Variants in TRAF3IP2 observed in about 807,000 individuals in gnomAD.
TRAF3IP2 encodes TRAF3 interacting protein 2.
TRAF3IP2 carries 35 observed loss-of-function variants against 57.9 expected under a neutral mutation model. The observed-to-expected ratio is 0.60, with a 90% CI of 0.46 to 0.80. The LOEUF (loss-of-function observed/expected upper bound fraction) is 0.80. Ranked by LOEUF, TRAF3IP2 falls within the 30% of genes least tolerant of loss-of-function variation. TRAF3IP2 has a pLI of 0.00. For synonymous variants in TRAF3IP2, 251 were observed against 268.9 expected (o/e 0.93, Z 0.65); for missense variants, 556 against 706.4 (o/e 0.79, Z 2.41).
intron 1 of TRAF3IP2, chr6:111,594,616 A>T (rs1796622346): frequency 2.6e-6 from 1 of 388,152 alleles, no homozygotes; most frequent in South Asian, 1.9e-5. Flanking sequence ...GGAATTCTTC[A>T]GTTAAAACTG....
In TRAF3IP2 at chr6:111,572,962, G is replaced by A. The variant is rs1419307347; in HGVS notation, c.1223C>T (p.Ser408Leu). The A allele has an allele frequency of 1.2e-6, 2 of 1,613,800 alleles. No homozygotes were observed. Among genetic ancestry groups the A allele is most frequent in the Admixed American group, 1.7e-5 (1 of 59,974 alleles). ...CACCACCTCCATAGCTGTGTCCATC[G>A]AATAAGTGATAAAGACTTTCCCTAA... The part of the protein sequence containing the change: ...EELRKVFITY[S>L]MDTAMEVVKF... Residue 408 changes from serine (S) to leucine (L), a missense_variant, in exon 5 of 9, where the codon TCG becomes TTG. Around this residue, in one of 2 missense-constraint regions of TRAF3IP2, gnomAD observed 128 missense variants for 207.7 expected, o/e 0.62. Transcript: ENST00000368761.
chr6:111,577,549 T>C (rs1280472802), intron 3 of TRAF3IP2, among the ~76,000 whole-genome samples: 3 of 148,182 alleles, frequency 2.0e-5, no homozygotes, highest in East Asian at 2.0e-4. Flanking sequence ...CCACCACACC[T>C]GGCTAATTTT....
In TRAF3IP2 at chr6:111,555,768, G is replaced by C. The variant is rs1403000068; in HGVS notation, c.*3637C>G. 6.6e-6 allele frequency among the ~76,000 whole-genome samples: 1 copy of C among 152,086 alleles called. No individual in the cohort carries two copies. Among genetic ancestry groups the C allele is most frequent in the South Asian group, 2.1e-4 (1 of 4,836 alleles). On this transcript the variant is annotated 3_prime_UTR_variant, in exon 9 of 9. Coordinates refer to ENST00000368761, the MANE Select transcript of TRAF3IP2 (RefSeq NM_147686.4). ...GACCAGCATAACATCTAAATCAACCGAGTGTTAATCTTATTGTCAGTGCTC... is the reference window on the plus strand; with the variant it reads ...GACCAGCATAACATCTAAATCAACCCAGTGTTAATCTTATTGTCAGTGCTC...
In TRAF3IP2 at chr6:111,601,248, C is replaced by T. The variant is rs79304784; in HGVS notation, c.-9+4528G>A. 7.0e-4 allele frequency: 531 copies of T among 757,532 alleles called. 4 individuals carry two copies. The East Asian group carries it at 0.012, about 17-fold the overall frequency. The allele number at this position is 757,532 out of a possible 1,614,324, so 46.9% of individuals were successfully genotyped here. On this transcript the variant is annotated intron_variant, in intron 1 of 8. Coordinates refer to ENST00000368761, the MANE Select transcript of TRAF3IP2 (RefSeq NM_147686.4). Reference sequence around the variant, plus strand: ...GCCACCTGTGTTCTGTACAGCATCACCAGGCTGGAAATCTGCCATGGCTTT... The same window carrying T: ...GCCACCTGTGTTCTGTACAGCATCATCAGGCTGGAAATCTGCCATGGCTTT...
intron 5 of TRAF3IP2, among the ~76,000 whole-genome samples, chr6:111,570,463 C>T (rs1795793952): frequency 6.6e-6 from 1 of 152,170 alleles, no homozygotes; most frequent in Non-Finnish European, 1.5e-5. Flanking sequence ...CCTTATTACA[C>T]TCTCCTTAAA....
At chr6:111,580,584 T>G (rs1468594800) in intron 2 of TRAF3IP2, among the ~76,000 whole-genome samples, 195 bp from the exon 3 acceptor site, 8 of 152,248 alleles carry the variant, frequency 5.3e-5, no homozygotes, top group Non-Finnish European at 2.9e-5. Flanking sequence ...CACTTTTTTT[T>G]GTCCTAAATA....
chr6:111,579,797 G>T (rs1222874943), intron 3 of TRAF3IP2, among the ~76,000 whole-genome samples: 2 of 152,160 alleles, frequency 1.3e-5, no homozygotes, highest in Admixed American at 1.3e-4. Flanking sequence ...ACATTTTAAA[G>T]TAAGAAATAG....
intron 3 of TRAF3IP2, chr6:111,577,038 A>G (rs1037519949): frequency 2.0e-5 from 3 of 151,762 alleles, no homozygotes; most frequent in African/African-American, 7.2e-5. Context: ...ATATTTTGAA[A>G]ATATGAATGA....
chr6:111,604,683 TCAAAG>T (rs1214655718), intron 1 of TRAF3IP2, among the ~76,000 whole-genome samples: 1 of 152,116 alleles, frequency 6.6e-6, no homozygotes, highest in Admixed American at 6.5e-5. Flanking sequence ...GAAACAGAAA[TCAAAG>T]CAGTTGACAT....
rs1300592191 is a variant in TRAF3IP2 at position 111,557,597 on chromosome 6, T to G, written c.*1808A>C. The G allele has an allele frequency of 6.6e-6, 1 of 151,382 alleles. No individual in the cohort carries two copies. Among genetic ancestry groups the G allele is most frequent in the Non-Finnish European group, 1.5e-5 (1 of 67,838 alleles). 9.4% of individuals were successfully genotyped at this position (151,382 alleles called of 1,614,324 possible). On this transcript the variant is annotated 3_prime_UTR_variant, in exon 9 of 9. Transcript: ENST00000368761. Reference sequence around the variant, plus strand: ...GGCGCCTGCCACCACGCCCGGCTATTTTTTTTGTATTTTTAGTAGAGATGG... The same window carrying G: ...GGCGCCTGCCACCACGCCCGGCTATGTTTTTTGTATTTTTAGTAGAGATGG...
intron 5 of TRAF3IP2, among the ~76,000 whole-genome samples, chr6:111,570,302 C>G (rs1371041472): frequency 6.6e-6 from 1 of 152,212 alleles, no homozygotes; most frequent in East Asian, 1.9e-4. Flanking sequence ...ACTAATATAG[C>G]CATCCTCTTC....
At chr6:111,598,112 A>C in intron 1 of TRAF3IP2, 1 of 333,492 alleles carries the variant, frequency 3.0e-6, no homozygotes, top group Non-Finnish European at 5.9e-6. Flanking sequence ...CTGGCTCAGA[A>C]CCCCTCTCTG....
In TRAF3IP2 at chr6:111,591,718, T is replaced by C. The variant is rs1339338493; in HGVS notation, c.369A>G (p.Gly123=). Residue 123 remains glycine (G), a synonymous_variant, in exon 2 of 9, where the codon GGA becomes GGG. Transcript: ENST00000368761. The surrounding 1 kb of genome is among the most constrained non-coding windows in gnomAD (Gnocchi z 4.9). ...VSEPASESVV[G]ALPAEHQFSF... is the part of the protein sequence containing the mutation. ...AAAACTGATGCTCTGCAGGGAGGGC[T>C]CCAACCACAGACTCAGACGCAGGCT... The C allele has an allele frequency of 6.2e-7, 1 of 1,614,196 alleles. No individual in the cohort carries two copies. The highest frequency in any genetic ancestry group is 1.6e-4 in the Middle Eastern group (1 of 6,062).
chr6:111,559,138 A>T lies in TRAF3IP2; in HGVS notation c.*267T>A, dbSNP rs1795339778. On this transcript the variant is annotated 3_prime_UTR_variant, in exon 9 of 9. Coordinates refer to ENST00000368761, the MANE Select transcript of TRAF3IP2 (RefSeq NM_147686.4). ...CCCAGAATGGACACATCAAACTGTC[A>T]GGAGGAACATATGGGACACTGGCAC... 2 of 391,892 alleles carry T rather than the reference A, an allele frequency of 5.1e-6. No homozygotes were observed. The highest frequency in any genetic ancestry group is 9.2e-6 in the Non-Finnish European group (2 of 217,450). 24.3% of individuals were successfully genotyped at this position (391,892 alleles called of 1,614,324 possible).
chr6:111,565,627 C>T (rs1326671945), intron 7 of TRAF3IP2, among the ~76,000 whole-genome samples: 4 of 152,100 alleles, frequency 2.6e-5, no homozygotes, highest in East Asian at 1.9e-4. Flanking sequence ...TGTCTCACAG[C>T]GTCTCTATAA....
At chr6:111,583,813 A>C (rs949704983) in intron 2 of TRAF3IP2, among the ~76,000 whole-genome samples, 1 of 152,144 alleles carries the variant, frequency 6.6e-6, no homozygotes, top group African/African-American at 2.4e-5. Context: ...TAGTGCCAAA[A>C]AAGTTGGGGA....
At chr6:111,581,482 A>C (rs935486071) in intron 2 of TRAF3IP2, among the ~76,000 whole-genome samples, 2 of 152,164 alleles carry the variant, frequency 1.3e-5, no homozygotes, top group Non-Finnish European at 2.9e-5. Context: ...ATCCTCATTG[A>C]TCTTAAAATT....
At chr6:111,562,541 T>C (rs1795483511) in intron 8 of TRAF3IP2, among the ~76,000 whole-genome samples, 1 of 152,178 alleles carries the variant, frequency 6.6e-6, no homozygotes, top group African/African-American at 2.4e-5. Context: ...TTGTTATCTC[T>C]AAGGATTGAT....
chr6:111,601,294 G>A (rs1796855757), intron 1 of TRAF3IP2: 3 of 696,884 alleles, frequency 4.3e-6, no homozygotes, highest in Non-Finnish European at 5.5e-6. Flanking sequence ...ATCACAAGAG[G>A]ATACAGATGA....
Sources: allele counts gnomAD v4.1 joint callset (sites outside exome capture counted in the v4.1 genomes callset), GRCh38; gene constraint gnomAD v4.1.1; regional missense constraint gnomAD v4.1.1; non-coding constraint Gnocchi (gnomAD v3.1); transcripts MANE v1.5; gene names NCBI Gene and HGNC (gene_info 2026-07-23, HGNC 2026-07-21).